The following KCNQ1 variants were observed in gnomAD, a reference collection of about 807,000 sequenced individuals.
KCNQ1 encodes the protein potassium voltage-gated channel subfamily Q member 1, also known as potassium voltage-gated channel subfamily KQT member 1.
Under a neutral mutation model 72.4 loss-of-function variants are expected in KCNQ1, and 49 were observed. The ratio of observed to expected loss-of-function variants is 0.68; its 90% CI spans 0.54 to 0.86. KCNQ1 has a LOEUF of 0.86. Among genes scored for constraint, KCNQ1 ranks in the 40% least tolerant of loss-of-function variants. The pLI is 0.00. For synonymous variants in KCNQ1, 450 were observed against 412.6 expected, an observed-to-expected ratio of 1.09 and a Z score of -1.10; for missense variants, 790 against 945.1, an observed-to-expected ratio of 0.84 and a Z score of 2.15.
chr11:2,488,514 T>C lies in KCNQ1; in HGVS notation c.387-39414T>C, dbSNP rs1167150594. Among the ~76,000 whole-genome samples the C allele has an allele frequency of 2.0e-5, 3 of 152,228 alleles. No individual in the cohort carries two copies. The East Asian group carries it at 5.8e-4, about 29-fold the overall frequency. On this transcript the variant is annotated intron_variant, in intron 1 of 15. Transcript: ENST00000155840. This position sits in a 1 kb window ranked among gnomAD's most constrained non-coding sequence, Gnocchi z 5.1. ...TCTTTGTTGAGAGTTTTTTGATTAC[T>C]GATTCAATCTCCTCACTAGTTATAG...
At chr11:2,656,550 C>T (rs1156623785) in intron 10 of KCNQ1, 5 of 398,580 alleles carry the variant, frequency 1.3e-5, no homozygotes, top group Non-Finnish European at 2.2e-5. Context: ...CAACACCTTT[C>T]CACATGCTCA....
chr11:2,667,272 G>A, intron 11 of KCNQ1: 1 of 398,610 alleles, frequency 2.5e-6, no homozygotes, highest in Admixed American at 4.4e-5. Flanking sequence ...GCTGGCCTAG[G>A]GCTGCTGCTA....
chr11:2,553,636 C>T (rs1298476226), intron 2 of KCNQ1, among the ~76,000 whole-genome samples: 1 of 152,092 alleles, frequency 6.6e-6, no homozygotes, highest in Non-Finnish European at 1.5e-5. Flanking sequence ...TTACACAAAG[C>T]CCACTTGGTC....
chr11:2,514,829 A>T (rs1401676168), intron 1 of KCNQ1, among the ~76,000 whole-genome samples: 1 of 152,136 alleles, frequency 6.6e-6, no homozygotes, highest in African/African-American at 2.4e-5. Context: ...CCGTCTCGAA[A>T]AGAGACTTGG....
At chr11:2,756,529 A>G (rs1003252131) in intron 11 of KCNQ1, among the ~76,000 whole-genome samples, 1 of 151,992 alleles carries the variant, frequency 6.6e-6, no homozygotes, top group African/African-American at 2.4e-5. Flanking sequence ...AGAGGAACAC[A>G]GGATTCAGGT....
intron 11 of KCNQ1, among the ~76,000 whole-genome samples, chr11:2,706,045 G>T (rs748484221): frequency 2.0e-5 from 3 of 152,212 alleles, no homozygotes; most frequent in Non-Finnish European, 4.4e-5. Flanking sequence ...GGAGGAAAAA[G>T]ACAAGAATGG....
chr11:2,745,893 T>C lies in KCNQ1; in HGVS notation c.1515-22951T>C, dbSNP rs1399381006. Among the ~76,000 whole-genome samples, 2 of 152,164 alleles carry C rather than the reference T, an allele frequency of 1.3e-5. No homozygotes were observed. Among genetic ancestry groups the C allele is most frequent in the Non-Finnish European group, 2.9e-5 (2 of 68,040 alleles). ...CACTACTATTTGGTTTTTGTTTTGT[T>C]TTGTTTTGTTTTTTGAGATGGAGTC... On this transcript the variant is annotated intron_variant, in intron 11 of 15. Coordinates refer to ENST00000155840, the MANE Select transcript of KCNQ1 (RefSeq NM_000218.3). The surrounding 1 kb of genome is among the most constrained non-coding windows in gnomAD (Gnocchi z 6.2).
Position 2,610,716 on chromosome 11 carries a change from CTTTTTTTTT to C in KCNQ1, c.1393+21883_1393+21891del, listed in dbSNP as rs1167505141. The C allele has an allele frequency of 4.5e-3, 1,036 of 230,054 alleles. 2 individuals are homozygous for C. The highest frequency in any genetic ancestry group is 0.015 in the East Asian group (250 of 16,570). 14.3% of individuals were successfully genotyped at this position (230,054 alleles called of 1,614,324 possible). A position where few individuals can be genotyped will look rare whatever the true frequency, so the allele number is the denominator to read the frequency against. On this transcript the variant is annotated intron_variant, in intron 10 of 15. Coordinates refer to ENST00000155840, the MANE Select transcript of KCNQ1 (RefSeq NM_000218.3). ...TTCTGGACACAGTATTCTTGGTTGG[CTTTTTTTTT>C]TTTTTTTTTTTTTTTTTTTTACTTT... is the stretch of plus-strand genomic sequence containing the variant.
rs1846868889 is a variant in KCNQ1, at chr11:2,783,911, ATGACT to A, written c.1794+5877_1794+5881del. 6.6e-6 allele frequency among the ~76,000 whole-genome samples: 1 copy of A among 152,022 alleles called. No homozygotes were observed. The highest frequency in any genetic ancestry group is 1.5e-5 in the Non-Finnish European group (1 of 67,882). On this transcript the variant is annotated intron_variant, in intron 15 of 15. Coordinates refer to ENST00000155840, the MANE Select transcript of KCNQ1 (RefSeq NM_000218.3). The surrounding 1 kb of genome is among the most constrained non-coding windows in gnomAD (Gnocchi z 5.2). ...TGGATACAAGTCCTTTATCAGATCT[ATGACT>A]TGCAAATATTTTCTCCCATTCTGTG...
At chr11:2,454,937 GAAAT>G (rs1182182515) in intron 1 of KCNQ1, among the ~76,000 whole-genome samples, 2 of 151,962 alleles carry the variant, frequency 1.3e-5, no homozygotes, top group African/African-American at 4.8e-5. Context: ...GCAAGAGAAA[GAAAT>G]AAAAGGGGAT....
At chr11:2,469,306 G>A (rs191481284) in intron 1 of KCNQ1, among the ~76,000 whole-genome samples, 178 of 149,836 alleles carry the variant, frequency 1.2e-3, no homozygotes, top group Middle Eastern at 0.01. Flanking sequence ...CTCACTCTCC[G>A]TCTCCCAGGT....
At chr11:2,717,121 G>C (rs528999413) in intron 11 of KCNQ1, among the ~76,000 whole-genome samples, 1 of 152,304 alleles carries the variant, frequency 6.6e-6, no homozygotes, top group South Asian at 2.1e-4. Context: ...TGCTCTTGCA[G>C]ACAACCCAAG....
intron 1 of KCNQ1, among the ~76,000 whole-genome samples, chr11:2,465,713 T>C (rs1564788694): frequency 6.6e-6 from 1 of 152,184 alleles, no homozygotes; most frequent in Non-Finnish European, 1.5e-5. Context: ...CAGAGCTTCC[T>C]GGGAGAAGGT....
At chr11:2,794,088 C>T (rs528801835) in intron 15 of KCNQ1, among the ~76,000 whole-genome samples, 25 of 152,236 alleles carry the variant, frequency 1.6e-4, no homozygotes, top group South Asian at 6.2e-4. Context: ...ATGGCCCGGC[C>T]GGGCCAAGGA....
At chr11:2,819,884 T>C (rs1847697005) in intron 15 of KCNQ1, among the ~76,000 whole-genome samples, 1 of 152,214 alleles carries the variant, frequency 6.6e-6, no homozygotes, top group Admixed American at 6.5e-5. Context: ...TCATATTGTG[T>C]TTTCAATTTT....
In KCNQ1 at chr11:2,784,338, G is replaced by A. The variant is rs1846876147; in HGVS notation, c.1794+6301G>A. 6.6e-6 allele frequency among the ~76,000 whole-genome samples: 1 copy of A among 151,728 alleles called. No homozygotes were observed. Among genetic ancestry groups the A allele is most frequent in the African/African-American group, 2.4e-5 (1 of 41,380 alleles). The stretch of plus-strand genomic sequence containing the variant: ...ACCATAAATTTATAGGTTTATTTCT[G>A]GATTTTCAATTCTATTATGTTGGTC... On this transcript the variant is annotated intron_variant, in intron 15 of 15. Transcript: ENST00000155840. This position sits in a 1 kb window ranked among gnomAD's most constrained non-coding sequence, Gnocchi z 4.7.
intron 2 of KCNQ1, among the ~76,000 whole-genome samples, chr11:2,535,595 G>A (rs1847716313): frequency 1.3e-5 from 2 of 152,188 alleles, no homozygotes; most frequent in Admixed American, 1.3e-4. Context: ...CTGGTCCTGG[G>A]GAGCCCTGTG....
rs550348407 is a variant in KCNQ1 at position 2,585,529 on chromosome 11, C to A, written c.1128+222C>A. ...AAAGCTGCTCCCATCAAGGGCCATG[C>A]CCTGTGGGCTGGAGAGGAGGCACGG... is the stretch of plus-strand genomic sequence containing the variant. On this transcript the variant is annotated intron_variant, in intron 8 of 15. Coordinates refer to ENST00000155840, the MANE Select transcript of KCNQ1 (RefSeq NM_000218.3). 1.8e-3 allele frequency among the ~76,000 whole-genome samples: 267 copies of A among 152,348 alleles called. 1 individual carries two copies. The highest frequency in any genetic ancestry group is 5.7e-3 in the African/African-American group (239 of 41,578).
intron 11 of KCNQ1, among the ~76,000 whole-genome samples, chr11:2,765,660 G>A (rs910389814): frequency 1.3e-5 from 2 of 152,188 alleles, no homozygotes; most frequent in South Asian, 4.1e-4. Flanking sequence ...ATGTTTTTAG[G>A]TGCATACAAA....
Sources: allele counts gnomAD v4.1 joint callset (sites outside exome capture counted in the v4.1 genomes callset), GRCh38; gene constraint gnomAD v4.1.1; non-coding constraint Gnocchi (gnomAD v3.1); transcripts MANE v1.5; gene names NCBI Gene and HGNC (gene_info 2026-07-23, HGNC 2026-07-21).